The following GGA2 variants were observed in gnomAD, a reference collection of about 807,000 sequenced individuals.
GGA2 encodes the protein ADP-ribosylation factor-binding protein GGA2.
GGA2 carries 48 observed loss-of-function variants against 79.5 expected under a neutral mutation model. The observed-to-expected ratio is 0.60, with a 90% CI of 0.48 to 0.77. The LOEUF (loss-of-function observed/expected upper bound fraction) is 0.77. Ranked by LOEUF, GGA2 falls within the 30% of genes least tolerant of loss-of-function variation. The pLI, the probability that GGA2 is intolerant of heterozygous loss-of-function variation, is 0.00. For missense variants in GGA2, 770 were observed against 774.0 expected (o/e 0.99, Z 0.06); for synonymous variants, 317 against 302.0 (o/e 1.05, Z -0.51).
chr16:23,512,523 C>T (rs1183339707), upstream of GGA2, among the ~76,000 whole-genome samples: 1 of 151,296 alleles, frequency 6.6e-6, no homozygotes, highest in Admixed American at 6.6e-5. Flanking sequence ...GGTGATGATT[C>T]TTGTCCACAC....
Position 23,468,938 on chromosome 16 carries a change from A to G in GGA2, c.1679T>C (p.Leu560Ser). Reference sequence around the variant, plus strand: ...CTGAGATATCACAGCTGGAGGCATCAAAGGACTGAATGCAGGAAGCTTGGA... The same window carrying G: ...CTGAGATATCACAGCTGGAGGCATCGAAGGACTGAATGCAGGAAGCTTGGA... Reference protein sequence around the residue: ...SSSKLPAFSPLMPPAVISQML... With the variant: ...SSSKLPAFSPSMPPAVISQML... The change falls in exon 16 of 17, where the codon TTG becomes TCG. Residue 560 changes from leucine to serine, a missense_variant. Physicochemically the swap from Leu to Ser is moderately radical, Grantham distance 145 (BLOSUM62 -2). Transcript: ENST00000309859. The G allele has an allele frequency of 1.2e-6, 2 of 1,612,382 alleles. No individual in the cohort carries two copies. The highest frequency in any genetic ancestry group is 1.7e-6 in the Non-Finnish European group (2 of 1,178,430).
At position 23,493,448 on chromosome 16, in the gene GGA2, A is replaced by G; in HGVS notation, c.263T>C (p.Met88Thr). 11 of 1,609,146 alleles carry G rather than the reference A, an allele frequency of 6.8e-6. No homozygotes were observed. Among genetic ancestry groups the G allele is most frequent in the South Asian group, 4.4e-5 (4 of 90,984 alleles). The change falls in exon 4 of 17, where the codon ATG becomes ACG. Residue 88 changes from methionine to threonine, a missense_variant. Met to Thr is a moderately conservative substitution (Grantham distance 81, BLOSUM62 -1). Coordinates refer to ENST00000309859, the MANE Select transcript of GGA2 (RefSeq NM_015044.4). ...EALYALTVLE[M>T]CMNHCGEKFH... ...CTTCTCCCCACAGTGGTTCATGCACATCTCCAGCACCTGCACAGACACAGG... is the reference window on the plus strand; with the variant it reads ...CTTCTCCCCACAGTGGTTCATGCACGTCTCCAGCACCTGCACAGACACAGG...
chr16:23,488,024 T>G (rs1285951336), intron 6 of GGA2, among the ~76,000 whole-genome samples: 1 of 152,138 alleles, frequency 6.6e-6, no homozygotes, highest in Non-Finnish European at 1.5e-5. Context: ...CACCTTCTTC[T>G]TCTTGTCCCT....
intron 6 of GGA2, among the ~76,000 whole-genome samples, chr16:23,488,324 T>A (rs1964740942): frequency 6.6e-6 from 1 of 152,050 alleles, no homozygotes; most frequent in African/African-American, 2.4e-5. Flanking sequence ...TGGGCCCAGA[T>A]CTACACTGGG....
intron 13 of GGA2, among the ~76,000 whole-genome samples, chr16:23,477,137 A>C (rs566350634): frequency 7.0e-4 from 106 of 152,092 alleles, no homozygotes; most frequent in Non-Finnish European, 1.3e-3. Context: ...TTTTTTGTAG[A>C]GATGGGGTTT....
At chr16:23,479,685 A>G in intron 11 of GGA2, 80 bp downstream of exon 11, 1 of 1,502,030 alleles carries the variant, frequency 6.7e-7, no homozygotes, top group East Asian at 2.3e-5. Context: ...AGCAGCAGGC[A>G]TGTGCTCCGC....
At chr16:23,516,621 C>T (rs1314871875) in intron 2 of GGA2, among the ~76,000 whole-genome samples, 1 of 152,138 alleles carries the variant, frequency 6.6e-6, no homozygotes, top group African/African-American at 2.4e-5. Flanking sequence ...TGGCTCTGCA[C>T]CTCCCTCCTT....
intron 1 of GGA2, among the ~76,000 whole-genome samples, chr16:23,505,138 C>T (rs759116799): frequency 5.3e-5 from 8 of 152,182 alleles, no homozygotes; most frequent in Non-Finnish European, 7.3e-5. Context: ...GACACGTGGA[C>T]CCCAAGAGTC....
intron 1 of GGA2, among the ~76,000 whole-genome samples, chr16:23,500,425 C>T (rs1964907997): frequency 6.6e-6 from 1 of 152,138 alleles, no homozygotes; most frequent in Admixed American, 6.5e-5. Context: ...GTGGCTCTGA[C>T]ATCTATGAGG....
At position 23,465,019 on chromosome 16, in the gene GGA2, G is replaced by A. The variant is rs559979798; in HGVS notation, c.*2571C>T. On this transcript the variant is annotated 3_prime_UTR_variant, in exon 17 of 17. Coordinates refer to ENST00000309859, the MANE Select transcript of GGA2 (RefSeq NM_015044.4). ...CACGAAATGGGTCAACAGGACCCCCGAAGAGTTCAAGATACTGGAAAGCAC... is the reference window on the plus strand; with the variant it reads ...CACGAAATGGGTCAACAGGACCCCCAAAGAGTTCAAGATACTGGAAAGCAC... The A allele has an allele frequency of 1.0e-4, 38 of 370,850 alleles. 1 individual carries two copies. In the South Asian group the frequency reaches 1.4e-3, roughly 13 times the overall value. 23.0% of individuals were successfully genotyped at this position (370,850 alleles called of 1,614,324 possible). A position where few individuals can be genotyped will look rare whatever the true frequency, so the allele number is the denominator to read the frequency against.
chr16:23,519,662 G>A, intron 1 of GGA2: 1 of 407,948 alleles, frequency 2.5e-6, no homozygotes, highest in Non-Finnish European at 4.9e-6. Flanking sequence ...AACAAGGGGA[G>A]CAGACACACA....
At chr16:23,516,131 C>T (rs1221771325) in intron 2 of GGA2, among the ~76,000 whole-genome samples, 1 of 152,092 alleles carries the variant, frequency 6.6e-6, no homozygotes, top group Non-Finnish European at 1.5e-5. Context: ...CCTCAGCCTC[C>T]CTAATAGGTG....
rs1382010505 is a variant in GGA2 at position 23,518,908 on chromosome 16, A to C, written c.61+679T>G. The stretch of plus-strand genomic sequence containing the variant: ...AATCTCATATTCTTTTGAGTAAGAG[A>C]GTAAATATGTACAAATATATAATTT... On this transcript the variant is annotated intron_variant, in intron 2 of 5. Coordinates refer to the GGA2 transcript ENST00000569300. Among the ~76,000 whole-genome samples, 3 of 152,352 alleles carry C rather than the reference A, an allele frequency of 2.0e-5. No homozygotes were observed. The East Asian group carries it at 5.8e-4, about 29-fold the overall frequency.
chr16:23,482,902 AC>A lies in GGA2; in HGVS notation c.880+20del. 6.8e-7 allele frequency: 1 copy of A among 1,467,724 alleles called. No homozygotes were observed. The highest frequency in any genetic ancestry group is 9.6e-7 in the Non-Finnish European group (1 of 1,046,346). 90.9% of individuals were successfully genotyped at this position (1,467,724 alleles called of 1,614,324 possible). A position where few individuals can be genotyped will look rare whatever the true frequency, so the allele number is the denominator to read the frequency against. On this transcript the variant is annotated intron_variant, in intron 9 of 16. Coordinates refer to ENST00000309859, the MANE Select transcript of GGA2 (RefSeq NM_015044.4). ...GTCTTGCACCTGGGCTGCTAGCTAC[AC>A]CCAAGGAAAGAAAACTTACCGAGTG...
intron 1 of GGA2, among the ~76,000 whole-genome samples, chr16:23,506,072 A>T (rs1256098725): frequency 6.6e-6 from 1 of 152,202 alleles, no homozygotes; most frequent in African/African-American, 2.4e-5. Flanking sequence ...TGTGTATTAA[A>T]GCCTTTGATT....
intron 2 of GGA2, among the ~76,000 whole-genome samples, chr16:23,495,010 G>A (rs974896226): frequency 5.3e-5 from 8 of 151,838 alleles, no homozygotes; most frequent in Non-Finnish European, 8.8e-5. Context: ...ACTTGAACCC[G>A]GGAGGTGGAG....
At chr16:23,469,313 C>T (rs1964481654) in intron 15 of GGA2, 1 of 270,582 alleles carries the variant, frequency 3.7e-6, no homozygotes, top group Non-Finnish European at 7.4e-6. Context: ...AGCTCTGTGA[C>T]CTTGAGTAAA....
chr16:23,473,330 CTTTTTTTTTTT>C (rs34972165), intron 14 of GGA2, among the ~76,000 whole-genome samples: 52 of 70,692 alleles, frequency 7.4e-4, no homozygotes, highest in African/African-American at 2.6e-3. Flanking sequence ...CTTTTCTAGT[CTTTTTTTTTTT>C]TTTTTTTTTT....
intron 5 of GGA2, among the ~76,000 whole-genome samples, chr16:23,491,318 A>AC (rs1964783319): frequency 6.6e-6 from 1 of 151,438 alleles, no homozygotes; most frequent in African/African-American, 2.4e-5. Flanking sequence ...AAAAAAAAAA[A>AC]AAAAAAAAAA....
Sources: allele counts gnomAD v4.1 joint callset (sites outside exome capture counted in the v4.1 genomes callset), GRCh38; gene constraint gnomAD v4.1.1; transcripts MANE v1.5; gene names NCBI Gene and HGNC (gene_info 2026-07-23, HGNC 2026-07-21).